The following CHODL variants were observed in gnomAD, a reference collection of about 807,000 sequenced individuals.
CHODL encodes the protein transmembrane protein MT75.
CHODL carries 29 observed loss-of-function variants against 34.5 expected under a neutral mutation model. That is an observed-to-expected ratio of 0.84 (90% CI 0.63 to 1.15). The LOEUF is 1.15. Ranked by LOEUF, CHODL falls within the 50% of genes most tolerant of loss-of-function variation. CHODL has a pLI of 0.00. For missense variants in CHODL, 332 were observed against 332.5 expected, an observed-to-expected ratio of 1.00 and a Z score of 0.01; for synonymous variants, 125 against 116.1, an observed-to-expected ratio of 1.08 and a Z score of -0.49.
At chr21:18,004,104 A>G (rs2063937282) in intron 1 of CHODL, among the ~76,000 whole-genome samples, 1 of 152,222 alleles carries the variant, frequency 6.6e-6, no homozygotes, top group South Asian at 2.1e-4. Context: ...AACAATAATT[A>G]ATAAAGTAAA....
chr21:18,126,219 C>T (rs1366261614), intron 2 of CHODL, among the ~76,000 whole-genome samples: 2 of 152,198 alleles, frequency 1.3e-5, no homozygotes, highest in Non-Finnish European at 2.9e-5. Context: ...TAGCCATCTA[C>T]ATCGAGGAAA....
chr21:18,105,867 C>T (rs983882179), intron 2 of CHODL, among the ~76,000 whole-genome samples: 2 of 152,106 alleles, frequency 1.3e-5, no homozygotes, highest in Admixed American at 6.5e-5. Flanking sequence ...TGGGTGATTC[C>T]AATAATCCTG....
chr21:17,980,073 A>G (rs1305758586), intron 1 of CHODL, among the ~76,000 whole-genome samples: 1 of 148,166 alleles, frequency 6.7e-6, no homozygotes, highest in African/African-American at 2.5e-5. Context: ...TTCTTCCTGT[A>G]TTGACATTAA....
chr21:18,198,523 C>G (rs905795784), intron 2 of CHODL, among the ~76,000 whole-genome samples: 1 of 152,094 alleles, frequency 6.6e-6, no homozygotes, highest in Non-Finnish European at 1.5e-5. Context: ...TATGATTCGA[C>G]ATTGTTATTT....
At chr21:18,101,827 A>C (rs149040487) in intron 2 of CHODL, among the ~76,000 whole-genome samples, 1 of 152,152 alleles carries the variant, frequency 6.6e-6, no homozygotes, top group East Asian at 1.9e-4. Context: ...AAATGAGAGA[A>C]ATATATATTT....
chr21:18,205,069 G>A (rs1422832817), intron 2 of CHODL, among the ~76,000 whole-genome samples: 1 of 152,108 alleles, frequency 6.6e-6, no homozygotes, highest in Non-Finnish European at 1.5e-5. Context: ...GGTGCCACTA[G>A]GATGCCCTTT....
intron 1 of CHODL, among the ~76,000 whole-genome samples, chr21:17,986,841 T>G (rs962265335): frequency 1.3e-5 from 2 of 152,138 alleles, no homozygotes; most frequent in African/African-American, 2.4e-5. Flanking sequence ...TATTTCCATC[T>G]AGATTGCTAT....
chr21:17,987,095 A>G (rs1036164755), intron 1 of CHODL, among the ~76,000 whole-genome samples: 1 of 152,200 alleles, frequency 6.6e-6, no homozygotes, highest in Non-Finnish European at 1.5e-5. Context: ...GCCTGGTTCT[A>G]TAGAAAAATT....
intron 2 of CHODL, among the ~76,000 whole-genome samples, chr21:18,093,375 G>C (rs141026374): frequency 5.3e-4 from 81 of 152,158 alleles, no homozygotes; most frequent in Middle Eastern, 3.4e-3. Context: ...ATGATAATGA[G>C]TAAGAAGAAA....
intron 2 of CHODL, among the ~76,000 whole-genome samples, chr21:18,081,966 G>T (rs1345764886): frequency 2.0e-5 from 3 of 152,040 alleles, no homozygotes; most frequent in Non-Finnish European, 4.4e-5. Context: ...TTATTGATTT[G>T]CATATGTTTA....
intron 1 of CHODL, among the ~76,000 whole-genome samples, chr21:17,971,889 G>GAAC (rs2063617590): frequency 6.6e-6 from 1 of 152,138 alleles, no homozygotes; most frequent in Non-Finnish European, 1.5e-5. Context: ...TATTTCTGAT[G>GAAC]AACATTGATG....
intron 2 of CHODL, among the ~76,000 whole-genome samples, chr21:18,164,921 A>G (rs1437361540): frequency 6.6e-6 from 1 of 152,152 alleles, no homozygotes; most frequent in Non-Finnish European, 1.5e-5. Flanking sequence ...CCCTCAAACA[A>G]TTCTGTTAAC....
rs2064593258 is a variant in CHODL at position 18,057,213 on chromosome 21, A to G, written c.-45+29242A>G. Among the ~76,000 whole-genome samples, 2 of 152,098 alleles carry G rather than the reference A, an allele frequency of 1.3e-5. 1 individual carries two copies. The highest frequency in any genetic ancestry group is 4.1e-4 in the South Asian group (2 of 4,832). ...CTGAGATTTTCTGCCTTCAGCATCT[A>G]GCATTCATGTGGCTATTTATTTTCT... On this transcript the variant is annotated intron_variant, in intron 2 of 6. Transcript: ENST00000400127.
intron 2 of CHODL, among the ~76,000 whole-genome samples, chr21:18,163,948 A>G (rs1294240190): frequency 6.6e-6 from 1 of 152,234 alleles, no homozygotes; most frequent in Non-Finnish European, 1.5e-5. Flanking sequence ...TTCCCTTTGC[A>G]ACTTCATTTG....
intron 2 of CHODL, among the ~76,000 whole-genome samples, chr21:18,103,978 AGTT>A (rs1268344754): frequency 6.6e-6 from 1 of 152,160 alleles, no homozygotes; most frequent in Non-Finnish European, 1.5e-5. Context: ...ACTCCAGTAC[AGTT>A]GTTGTGAAGA....
chr21:18,066,329 C>T (rs1386808692), intron 2 of CHODL, among the ~76,000 whole-genome samples: 4 of 152,136 alleles, frequency 2.6e-5, no homozygotes. Flanking sequence ...CTCCTAATTA[C>T]ATAGTTTTAT....
At chr21:18,124,525 C>T (rs1043234927) in intron 2 of CHODL, among the ~76,000 whole-genome samples, 6 of 152,284 alleles carry the variant, frequency 3.9e-5, no homozygotes, top group Non-Finnish European at 5.9e-5. Context: ...TTAACTGTGA[C>T]AATCTATTTG....
intron 2 of CHODL, among the ~76,000 whole-genome samples, chr21:18,190,814 CAT>C (rs1353962423): frequency 3.3e-5 from 5 of 152,062 alleles, no homozygotes; most frequent in African/African-American, 1.2e-4. Flanking sequence ...CAATAATTGT[CAT>C]ATTGTAGTAT....
At chr21:18,228,983 A>G (rs73893034) in intron 2 of CHODL, among the ~76,000 whole-genome samples, 2,298 of 152,246 alleles carry the variant, frequency 0.015, 61 homozygotes, top group African/African-American at 0.05. Flanking sequence ...TTAAATGTCT[A>G]TAAAGTATGT....
Sources: allele counts gnomAD v4.1 joint callset (sites outside exome capture counted in the v4.1 genomes callset), GRCh38; gene constraint gnomAD v4.1.1; transcripts MANE v1.5; gene names NCBI Gene and HGNC (gene_info 2026-07-23, HGNC 2026-07-21).